The following TNFRSF21 variants were observed in gnomAD, a reference collection of about 807,000 sequenced individuals.
TNFRSF21 encodes TNF receptor superfamily member 21, also known as tumor necrosis factor receptor superfamily member 21.
In TNFRSF21, 19 loss-of-function variants were observed where a neutral mutation model predicts 45.6. The ratio of observed to expected loss-of-function variants is 0.42; its 90% CI spans 0.29 to 0.61. The LOEUF (loss-of-function observed/expected upper bound fraction) is 0.61, where lower values mean the gene tolerates loss of function less well. Ranked by LOEUF, TNFRSF21 falls within the 20% of genes least tolerant of loss-of-function variation. TNFRSF21 has a pLI of 0.23. For synonymous variants in TNFRSF21, 314 were observed against 335.5 expected (o/e 0.94, Z 0.70); for missense variants, 737 against 851.5 (o/e 0.87, Z 1.67).
chr6:47,295,686 A>T (rs1389058514), intron 1 of TNFRSF21, among the ~76,000 whole-genome samples: 1 of 152,212 alleles, frequency 6.6e-6, no homozygotes, highest in Admixed American at 6.5e-5. Context: ...GATTTGAAGC[A>T]GGGAAAAAGG....
At chr6:47,290,552 C>T (rs1762710667) in intron 1 of TNFRSF21, among the ~76,000 whole-genome samples, 1 of 152,202 alleles carries the variant, frequency 6.6e-6, no homozygotes, top group Non-Finnish European at 1.5e-5. Context: ...CTTTCTCAGA[C>T]TGTAAGTGGA....
chr6:47,260,433 G>C (rs899956148), intron 3 of TNFRSF21, among the ~76,000 whole-genome samples: 1 of 152,174 alleles, frequency 6.6e-6, no homozygotes, highest in Non-Finnish European at 1.5e-5. Flanking sequence ...GGTTATTATG[G>C]AAGAAATGGC....
intron 1 of TNFRSF21, among the ~76,000 whole-genome samples, chr6:47,304,689 C>T (rs1487842114): frequency 6.6e-6 from 1 of 152,184 alleles, no homozygotes; most frequent in African/African-American, 2.4e-5. Flanking sequence ...TGGATATATG[C>T]CTTTTCAAGC....
At chr6:47,257,155 A>C (rs562003966) in intron 3 of TNFRSF21, among the ~76,000 whole-genome samples, 175 of 152,298 alleles carry the variant, frequency 1.1e-3, no homozygotes, top group South Asian at 6.6e-3. Flanking sequence ...AAAAGGTTTA[A>C]GTTTAACAAC....
rs1187111138 is a variant in TNFRSF21, at chr6:47,284,276, T to G, written c.905A>C (p.Gln302Pro). 6.2e-7 allele frequency: 1 copy of G among 1,611,524 alleles called. No homozygotes were observed. Among genetic ancestry groups the G allele is most frequent in the Non-Finnish European group, 8.5e-7 (1 of 1,178,764 alleles). ...CAGGATGTGTCTGTGGTGGGGGCCT[T>G]GCTGGTGGTTGACTACCTGAAGGTT... ...LPNLQVVNHQ[Q>P]GPHHRHILKL... Residue 302 changes from glutamine (Q) to proline (P), a missense_variant, in exon 3 of 6, where the codon CAA becomes CCA. Coordinates refer to ENST00000296861, the MANE Select transcript of TNFRSF21 (RefSeq NM_014452.5).
intron 1 of TNFRSF21, among the ~76,000 whole-genome samples, chr6:47,303,615 C>T (rs945866121): frequency 6.6e-6 from 1 of 152,172 alleles, no homozygotes; most frequent in Non-Finnish European, 1.5e-5. Context: ...GCCTAAGTAT[C>T]AGTGAACCCC....
At chr6:47,281,746 G>A (rs1762570662) in intron 3 of TNFRSF21, among the ~76,000 whole-genome samples, 1 of 152,120 alleles carries the variant, frequency 6.6e-6, no homozygotes. Context: ...GTTAATAATA[G>A]ATAAATGTGG....
chr6:47,267,641 A>G (rs868572691), intron 3 of TNFRSF21, among the ~76,000 whole-genome samples: 1 of 152,168 alleles, frequency 6.6e-6, no homozygotes, highest in South Asian at 2.1e-4. Context: ...TGTGGGAAAG[A>G]AAAAGGGGCA....
chr6:47,288,160 T>C (rs1430071568), intron 1 of TNFRSF21, among the ~76,000 whole-genome samples: 1 of 152,270 alleles, frequency 6.6e-6, no homozygotes, highest in Non-Finnish European at 1.5e-5. Flanking sequence ...ACACGTTTGT[T>C]GGCAGAAAGG....
At chr6:47,276,391 A>G (rs905199540) in intron 3 of TNFRSF21, among the ~76,000 whole-genome samples, 5 of 152,236 alleles carry the variant, frequency 3.3e-5, no homozygotes, top group African/African-American at 1.2e-4. Context: ...CAGCAGACTT[A>G]GAAATAGTTA....
chr6:47,283,892 A>G (rs754236484), intron 3 of TNFRSF21, 46 bp downstream of exon 3: 1 of 1,564,636 alleles, frequency 6.4e-7, no homozygotes, highest in Admixed American at 1.9e-5. Context: ...CTAGGGAAAA[A>G]GTGGTAGAGA....
intron 3 of TNFRSF21, among the ~76,000 whole-genome samples, chr6:47,257,478 T>C (rs1194730595): frequency 6.6e-6 from 1 of 152,206 alleles, no homozygotes; most frequent in East Asian, 1.9e-4. Flanking sequence ...ATACCAACCT[T>C]TTAGTCTAGC....
chr6:47,284,674 A>G (rs1207968700), intron 2 of TNFRSF21, among the ~76,000 whole-genome samples: 1 of 152,228 alleles, frequency 6.6e-6, no homozygotes, highest in African/African-American at 2.4e-5. Flanking sequence ...GGGCAACCTT[A>G]AGGATCCAAC....
Position 47,247,144 on chromosome 6 carries a change from C to A in TNFRSF21, c.1509+6112G>T, listed in dbSNP as rs369995534. Among the ~76,000 whole-genome samples, 53 of 152,288 alleles carry A rather than the reference C, an allele frequency of 3.5e-4. 1 individual carries two copies. The East Asian group carries it at 9.1e-3, about 26-fold the overall frequency. ...AACAGCCTGAAATGTCATTAAAAAT[C>A]TAAAGCCTATTTATAAACATTGCTC... On this transcript the variant is annotated intron_variant, in intron 4 of 5. Transcript: ENST00000296861.
At chr6:47,270,234 A>G (rs1396018208) in intron 3 of TNFRSF21, among the ~76,000 whole-genome samples, 3 of 152,160 alleles carry the variant, frequency 2.0e-5, no homozygotes, top group Non-Finnish European at 4.4e-5. Context: ...TCACCTCCCA[A>G]CAGGGGCCAA....
rs1460989466 is a variant in TNFRSF21 at position 47,285,970 on chromosome 6, A to G, written c.722T>C (p.Val241Ala). 6.2e-7 allele frequency: 1 copy of G among 1,614,134 alleles called. No homozygotes were observed. Among genetic ancestry groups the G allele is most frequent in the Non-Finnish European group, 8.5e-7 (1 of 1,180,016 alleles). The change falls in exon 2 of 6, where the codon GTC becomes GCC. Residue 241 changes from valine to alanine, a missense_variant. Physicochemically the swap from Val to Ala is moderately conservative, Grantham distance 64. Transcript: ENST00000296861. ...PRPEHMETHEVPSSTYVPKGM... is the reference protein window; with the variant it reads ...PRPEHMETHEAPSSTYVPKGM... ...TTTGGGAACATAAGTGGAGGAAGGG[A>G]CTTCATGGGTTTCCATGTGCTCAGG...
intron 4 of TNFRSF21, 24 bp from the exon 5 acceptor site, chr6:47,234,922 T>TA (rs1554148904): frequency 1.6e-6 from 2 of 1,264,206 alleles, no homozygotes; most frequent in African/African-American, 1.6e-5. Flanking sequence ...AATTTTTTTT[T>TA]ATTATATATA....
chr6:47,309,394 CCCGGT>C lies in TNFRSF21; in HGVS notation c.96+17_96+21del. ...CTTCTGCTCCGGCGCCGCCGCCACC[CCCGGT>C]CCACGCAAGCGCTCACCAGGAGAAG... is the stretch of plus-strand genomic sequence containing the variant. On this transcript the variant is annotated intron_variant, in intron 1 of 5. Coordinates refer to ENST00000296861, the MANE Select transcript of TNFRSF21 (RefSeq NM_014452.5). The C allele has an allele frequency of 6.6e-7, 1 of 1,524,384 alleles. No individual in the cohort carries two copies. The highest frequency in any genetic ancestry group is 8.8e-7 in the Non-Finnish European group (1 of 1,141,918). 94.4% of individuals were successfully genotyped at this position (1,524,384 alleles called of 1,614,324 possible).
Position 47,304,249 on chromosome 6 carries a change from T to C in TNFRSF21, c.96+5167A>G, listed in dbSNP as rs548966025. 1.3e-3 allele frequency among the ~76,000 whole-genome samples: 188 copies of C among 149,650 alleles called. 1 individual carries two copies. Among genetic ancestry groups the C allele is most frequent in the African/African-American group, 4.4e-3 (179 of 40,494 alleles). On this transcript the variant is annotated intron_variant, in intron 1 of 5. Transcript: ENST00000296861. ...ATTCATACCAGCCCCTGAATAGTAA[T>C]GATCTGATAATGCACCGGATCATTT... is the stretch of plus-strand genomic sequence containing the variant.
Sources: allele counts gnomAD v4.1 joint callset (sites outside exome capture counted in the v4.1 genomes callset), GRCh38; gene constraint gnomAD v4.1.1; transcripts MANE v1.5; gene names NCBI Gene and HGNC (gene_info 2026-07-23, HGNC 2026-07-21).